Variants in ZFHX3 observed in about 807,000 individuals in gnomAD.
The protein encoded by ZFHX3 is zinc finger homeobox protein 3.
A neutral mutation model predicts 279.1 loss-of-function variants in ZFHX3; 42 were observed. The ratio of observed to expected loss-of-function variants is 0.15; its 90% CI spans 0.12 to 0.19. The LOEUF (loss-of-function observed/expected upper bound fraction) is 0.19. Among genes scored for constraint, ZFHX3 ranks in the 10% least tolerant of loss-of-function variants. The pLI is 1.00. For synonymous variants in ZFHX3, 2,293 were observed against 1,957.8 expected (o/e 1.17, Z -4.52); for missense variants, 4,981 against 4,754.0 (o/e 1.05, Z -1.40).
chr16:73,722,279 G>C (rs919745441), intron 1 of ZFHX3, among the ~76,000 whole-genome samples: 2 of 152,182 alleles, frequency 1.3e-5, no homozygotes, highest in East Asian at 3.9e-4. Flanking sequence ...TATGGTACTC[G>C]ATTGGTTGAT....
chr16:73,516,231 G>T (rs564499390), intron 2 of ZFHX3, among the ~76,000 whole-genome samples: 83 of 152,322 alleles, frequency 5.4e-4, no homozygotes, highest in African/African-American at 1.8e-3. Context: ...TAGAGTTGGG[G>T]CTGCACAGCG....
Position 72,798,662 on chromosome 16 carries a change from T to C in ZFHX3, c.4020A>G (p.Gln1340=). 3.1e-6 allele frequency: 5 copies of C among 1,611,892 alleles called. No individual in the cohort carries two copies. The highest frequency in any genetic ancestry group is 4.2e-6 in the Non-Finnish European group (5 of 1,178,852). ...CAGGGGATGGTTTCAAATCTCCGCTTTGCTCTGTGCTTGCGGATGGCAAGA... is the reference window on the plus strand; with the variant it reads ...CAGGGGATGGTTTCAAATCTCCGCTCTGCTCTGTGCTTGCGGATGGCAAGA... The part of the protein sequence containing the change: ...KNILPSASTE[Q]SGDLKPSPAD... Residue 1340 remains glutamine (Q), a synonymous_variant, in exon 9 of 10, where the codon CAA becomes CAG. Transcript: ENST00000268489.
intron 4 of ZFHX3, among the ~76,000 whole-genome samples, chr16:72,868,022 T>C (rs978566922): frequency 2.6e-5 from 4 of 152,188 alleles, no homozygotes; most frequent in African/African-American, 9.7e-5. Context: ...TGGACAAAAG[T>C]AATGTAAGAC....
chr16:73,287,776 G>A (rs2014663987), intron 4 of ZFHX3, among the ~76,000 whole-genome samples: 1 of 140,562 alleles, frequency 7.1e-6, no homozygotes, highest in African/African-American at 2.6e-5. Context: ...GGGTGTGTGG[G>A]TAAGTGTGTG....
At chr16:73,755,907 C>T (rs1043097310) in intron 1 of ZFHX3, among the ~76,000 whole-genome samples, 5 of 152,206 alleles carry the variant, frequency 3.3e-5, no homozygotes, top group African/African-American at 9.7e-5. Context: ...GCGAGGCACT[C>T]GCCCCTCTCC....
chr16:73,831,887 G>A (rs1184314825), intron 1 of ZFHX3, among the ~76,000 whole-genome samples: 3 of 152,160 alleles, frequency 2.0e-5, no homozygotes, highest in Non-Finnish European at 4.4e-5. Flanking sequence ...CCTGACTAGA[G>A]TTTCATCTGG....
At chr16:72,803,300 C>G (rs556996770) in intron 7 of ZFHX3, among the ~76,000 whole-genome samples, 19 of 152,094 alleles carry the variant, frequency 1.2e-4, no homozygotes, top group Non-Finnish European at 2.2e-4. Flanking sequence ...CCATTGCACT[C>G]CAGCCTGGGC....
intron 3 of ZFHX3, among the ~76,000 whole-genome samples, chr16:73,356,385 A>C (rs8051795): frequency 0.21 from 31,331 of 151,972 alleles, 4,433 homozygotes; most frequent in African/African-American, 0.4. Context: ...TTTTATCAGA[A>C]AAACCCTGCT....
intron 3 of ZFHX3, among the ~76,000 whole-genome samples, chr16:73,434,789 C>T (rs530580109): frequency 6.6e-6 from 1 of 152,252 alleles, no homozygotes; most frequent in African/African-American, 2.4e-5. Context: ...GTGACTTCAA[C>T]AGTCCTCTAA....
chr16:73,532,825 T>C (rs1040278547), intron 2 of ZFHX3, among the ~76,000 whole-genome samples: 4 of 152,236 alleles, frequency 2.6e-5, no homozygotes, highest in African/African-American at 9.6e-5. Flanking sequence ...CCTCATGCTG[T>C]TCCCATAATA....
intron 2 of ZFHX3, among the ~76,000 whole-genome samples, chr16:73,604,014 G>A (rs777195287): frequency 6.6e-6 from 1 of 151,826 alleles, no homozygotes; most frequent in Non-Finnish European, 1.5e-5. Flanking sequence ...CCTGACCTCA[G>A]GTGATTTGCC....
At chr16:73,366,371 A>G (rs906662409) in intron 3 of ZFHX3, among the ~76,000 whole-genome samples, 11 of 152,106 alleles carry the variant, frequency 7.2e-5, no homozygotes, top group Admixed American at 6.5e-5. Context: ...ACAGTGGGGG[A>G]AAACTATAGA....
chr16:73,143,163 C>A (rs556214097), intron 6 of ZFHX3, among the ~76,000 whole-genome samples: 5 of 151,932 alleles, frequency 3.3e-5, no homozygotes, highest in Admixed American at 1.3e-4. Context: ...CTCATTCTCA[C>A]ATCTCATGGG....
At chr16:73,134,331 CTTTTTTTTTTTTTT>C (rs58052486) in intron 6 of ZFHX3, among the ~76,000 whole-genome samples, 11 of 50,316 alleles carry the variant, frequency 2.2e-4, no homozygotes, top group Admixed American at 3.1e-4. Context: ...CTCCCCACCT[CTTTTTTTTTTTTTT>C]TTTTTTTTTT....
At chr16:73,022,597 T>C (rs764702941) in intron 1 of ZFHX3, among the ~76,000 whole-genome samples, 2 of 152,034 alleles carry the variant, frequency 1.3e-5, no homozygotes, top group African/African-American at 4.8e-5. Flanking sequence ...TGCCAAATCT[T>C]GGGGGGAGGA....
chr16:72,811,722 A>T lies in ZFHX3; in HGVS notation c.3719T>A (p.Val1240Glu). The change falls in exon 7 of 10, where the codon GTG (valine) becomes GAG (glutamate). Residue 1240 changes from valine (V) to glutamate (E), a missense_variant. Val to Glu is a moderately radical substitution (Grantham distance 121). Transcript: ENST00000268489. Reference sequence around the variant, plus strand: ...CACCGAGTGCTGCGTCATGGCATGCACCCGGAGCCGGTTGACATCGGCATT... The same window carrying T: ...CACCGAGTGCTGCGTCATGGCATGCTCCCGGAGCCGGTTGACATCGGCATT... ...YSNADVNRLRVHAMTQHSVQP... is the reference protein window; with the variant it reads ...YSNADVNRLREHAMTQHSVQP... The T allele has an allele frequency of 6.2e-7, 1 of 1,614,060 alleles. No homozygotes were observed. Among genetic ancestry groups the T allele is most frequent in the East Asian group, 2.2e-5 (1 of 44,878 alleles).
chr16:73,851,110 G>A (rs1377643007), intron 1 of ZFHX3, among the ~76,000 whole-genome samples: 2 of 152,128 alleles, frequency 1.3e-5, no homozygotes, highest in Non-Finnish European at 2.9e-5. Context: ...TCTTACTGCT[G>A]TCAAAACATG....
intron 2 of ZFHX3, among the ~76,000 whole-genome samples, chr16:72,954,052 C>G (rs974803639): frequency 6.6e-6 from 1 of 152,188 alleles, no homozygotes; most frequent in Non-Finnish European, 1.5e-5. Flanking sequence ...ACCCAGTTCA[C>G]AAACAGGAGC....
At chr16:73,571,194 T>G (rs2051730746) in intron 2 of ZFHX3, among the ~76,000 whole-genome samples, 1 of 151,846 alleles carries the variant, frequency 6.6e-6, no homozygotes, top group Non-Finnish European at 1.5e-5. Context: ...ATTAAGAAAT[T>G]GTTGATAGAA....
Sources: gnomAD v4.1 joint callset for allele counts (sites outside exome capture counted in the v4.1 genomes callset) on GRCh38, gnomAD v4.1.1 for gene constraint, MANE v1.5 for transcripts, NCBI Gene and HGNC (gene_info 2026-07-23, HGNC 2026-07-21) for gene names.